Variants in SEMA4F observed in about 807,000 individuals in gnomAD.
SEMA4F encodes the protein semaphorin-4F.
In SEMA4F, 51 loss-of-function variants were observed where a neutral mutation model predicts 78.4. That is an observed-to-expected ratio of 0.65 (90% CI 0.52 to 0.82). SEMA4F has a LOEUF of 0.82. Among genes scored for constraint, SEMA4F ranks in the 40% least tolerant of loss-of-function variants. The pLI is 0.00. For missense variants in SEMA4F, 938 were observed against 1,014.4 expected, an observed-to-expected ratio of 0.92 and a Z score of 1.02; for synonymous variants, 418 against 408.7, an observed-to-expected ratio of 1.02 and a Z score of -0.27.
chr2:74,693,933 G>A, the SEMA4F span, among the ~76,000 whole-genome samples: 1 of 152,124 alleles, frequency 6.6e-6, no homozygotes, highest in Non-Finnish European at 1.5e-5. Flanking sequence ...CCATTATTTT[G>A]TAGGTGTGTG....
At chr2:74,677,717 T>G (rs1167333159) in intron 12 of SEMA4F, among the ~76,000 whole-genome samples, 1 of 152,230 alleles carries the variant, frequency 6.6e-6, no homozygotes, top group Non-Finnish European at 1.5e-5. Context: ...ATAGCATATT[T>G]GTATACTACA....
chr2:74,670,379 G>A (rs1684924785), intron 5 of SEMA4F, among the ~76,000 whole-genome samples: 1 of 152,184 alleles, frequency 6.6e-6, no homozygotes, highest in East Asian at 1.9e-4. Flanking sequence ...CCTGCTACTT[G>A]CTCCCGAAGT....
chr2:74,675,732 C>T lies in SEMA4F; in HGVS notation c.1483-17C>T. On this transcript the variant is annotated splice_polypyrimidine_tract_variant and intron_variant, in intron 11 of 13. Coordinates refer to ENST00000357877, the MANE Select transcript of SEMA4F (RefSeq NM_004263.5). ...GGGAGATCCAGTGTATTCCCCTTCC[C>T]CACTCCGTTTTTATAGAGCTGGCTC... 1 of 1,613,660 alleles carries T rather than the reference C, an allele frequency of 6.2e-7. No homozygotes were observed. Among genetic ancestry groups the T allele is most frequent in the Non-Finnish European group, 8.5e-7 (1 of 1,179,738 alleles).
Position 74,680,089 on chromosome 2 carries a change from C to G in SEMA4F, c.2193C>G (p.Ala731=), listed in dbSNP as rs1685528766. The G allele has an allele frequency of 6.2e-7, 1 of 1,613,870 alleles. No homozygotes were observed. Among genetic ancestry groups the G allele is most frequent in the South Asian group, 1.1e-5 (1 of 91,086 alleles). ...ATGAGCGGTTGCCGCTGGCCCTGGCCAAGAGGGGCAGTGGCTTTGGTGGAT... is the reference window on the plus strand; with the variant it reads ...ATGAGCGGTTGCCGCTGGCCCTGGCGAAGAGGGGCAGTGGCTTTGGTGGAT... ...PEDERLPLAL[A]KRGSGFGGFS... The change falls in exon 14 of 14, where the codon GCC becomes GCG. Residue 731 remains alanine (A), a synonymous_variant. Coordinates refer to ENST00000357877, the MANE Select transcript of SEMA4F (RefSeq NM_004263.5).
the SEMA4F span, among the ~76,000 whole-genome samples, chr2:74,708,057 G>C: frequency 6.6e-6 from 1 of 152,048 alleles, no homozygotes; most frequent in East Asian, 1.9e-4. Context: ...GGGGCACTCA[G>C]TAGTTTGTAC....
chr2:74,671,725 G>A (rs1229908111), intron 5 of SEMA4F, among the ~76,000 whole-genome samples: 4 of 152,196 alleles, frequency 2.6e-5, no homozygotes, highest in African/African-American at 9.7e-5. Flanking sequence ...GCCTTAGGAT[G>A]TGCAACAAGT....
At chr2:74,702,116 C>G in the SEMA4F span, among the ~76,000 whole-genome samples, 1 of 152,186 alleles carries the variant, frequency 6.6e-6, no homozygotes, top group Non-Finnish European at 1.5e-5. Context: ...AGGGACCTGA[C>G]AGCCAAGAGG....
intron 7 of SEMA4F, 78 bp downstream of exon 7, chr2:74,673,906 T>A (rs1685127210): frequency 1.3e-6 from 2 of 1,494,170 alleles, no homozygotes; most frequent in African/African-American, 2.8e-5. Context: ...TCTTTGGGTC[T>A]CTGTCTTTGA....
At chr2:74,703,414 A>G in the SEMA4F span, among the ~76,000 whole-genome samples, 1 of 152,212 alleles carries the variant, frequency 6.6e-6, no homozygotes, top group Admixed American at 6.5e-5. Context: ...GATGCAGCCC[A>G]AGGACTTGTT....
At chr2:74,687,089 T>C (rs191235882), downstream of SEMA4F, among the ~76,000 whole-genome samples, 1 of 152,250 alleles carries the variant, frequency 6.6e-6, no homozygotes, top group Non-Finnish European at 1.5e-5. Context: ...CCAAATCCTC[T>C]GTTCTGATTT....
the SEMA4F span, among the ~76,000 whole-genome samples, chr2:74,705,263 T>C: frequency 2.0e-5 from 3 of 152,232 alleles, no homozygotes. Flanking sequence ...AGTGTTAACA[T>C]TTTCACATTT....
the SEMA4F span, among the ~76,000 whole-genome samples, chr2:74,694,922 C>T: frequency 9.9e-5 from 15 of 152,174 alleles, no homozygotes; most frequent in Admixed American, 2.0e-4. Context: ...TATTTATCCA[C>T]TCGCCTCCTA....
At chr2:74,704,958 C>G in the SEMA4F span, among the ~76,000 whole-genome samples, 1 of 152,148 alleles carries the variant, frequency 6.6e-6, no homozygotes, top group South Asian at 2.1e-4. Context: ...AAGGGTCCAT[C>G]AGTTTCATGC....
At position 74,654,410 on chromosome 2, in the gene SEMA4F, C is replaced by G. The variant is rs1376021168; in HGVS notation, c.34C>G (p.Pro12Ala). 2.6e-6 allele frequency: 4 copies of G among 1,538,822 alleles called. No homozygotes were observed. The highest frequency in any genetic ancestry group is 3.5e-6 in the Non-Finnish European group (4 of 1,150,556). Residue 12 changes from proline to alanine, a missense_variant, in exon 1 of 14, where the codon CCC (proline) becomes GCC (alanine). Coordinates refer to ENST00000357877, the MANE Select transcript of SEMA4F (RefSeq NM_004263.5). ...CTCTGCTGCGCGGCCCCGCCCGGGT[C>G]CCGGGCAGCCTACAGCCTCGCCCTT... ...PASAARPRPG[P>A]GQPTASPFPL...
Position 74,654,376 on chromosome 2 carries a change from G to A in SEMA4F, c.-1G>A, listed in dbSNP as rs530021925. 8 of 1,500,056 alleles carry A rather than the reference G, an allele frequency of 5.3e-6. No individual in the cohort carries two copies. The highest frequency in any genetic ancestry group is 1.5e-5 in the African/African-American group (1 of 68,800). 92.9% of individuals were successfully genotyped at this position (1,500,056 alleles called of 1,614,324 possible). A position where few individuals can be genotyped will look rare whatever the true frequency, so the allele number is the denominator to read the frequency against. On this transcript the variant is annotated 5_prime_UTR_variant, in exon 1 of 14. Coordinates refer to ENST00000357877, the MANE Select transcript of SEMA4F (RefSeq NM_004263.5). ...GCACCCGCGGCCAGGCGGAGCCAAA[G>A]ATGCCGGCCTCTGCTGCGCGGCCCC...
chr2:74,658,038 T>C lies in SEMA4F; in HGVS notation c.456+87T>C. ...GGTGGTGGGAGGATGGGAAGGGTTT[T>C]CTGTGAGCGACCATGATGGGGGCAT... On this transcript the variant is annotated intron_variant, in intron 4 of 13. Transcript: ENST00000357877. This position sits in a 1 kb window ranked among gnomAD's most constrained non-coding sequence, Gnocchi z 4.3. 8.2e-7 allele frequency: 1 copy of C among 1,216,332 alleles called. No homozygotes were observed. The highest frequency in any genetic ancestry group is 1.7e-5 in the Admixed American group (1 of 58,446). 75.3% of individuals were successfully genotyped at this position (1,216,332 alleles called of 1,614,324 possible).
At chr2:74,706,608 A>G in the SEMA4F span, among the ~76,000 whole-genome samples, 1 of 152,178 alleles carries the variant, frequency 6.6e-6, no homozygotes, top group African/African-American at 2.4e-5. Context: ...GTAGGGACAG[A>G]TGGGTTGTCT....
At chr2:74,693,906 T>C in the SEMA4F span, among the ~76,000 whole-genome samples, 1 of 152,182 alleles carries the variant, frequency 6.6e-6, no homozygotes, top group East Asian at 1.9e-4. Flanking sequence ...TCTGCTGCAG[T>C]AAGCAACCCC....
intron 5 of SEMA4F, among the ~76,000 whole-genome samples, chr2:74,663,568 G>T (rs1236299538): frequency 1.3e-5 from 2 of 152,314 alleles, no homozygotes; most frequent in South Asian, 2.1e-4. Flanking sequence ...TCTCCCTCTG[G>T]TGAGGTCCTT....
Sources: allele counts gnomAD v4.1 joint callset (sites outside exome capture counted in the v4.1 genomes callset), GRCh38; gene constraint gnomAD v4.1.1; non-coding constraint Gnocchi (gnomAD v3.1); transcripts MANE v1.5; gene names NCBI Gene and HGNC (gene_info 2026-07-23, HGNC 2026-07-21).